DLG2: variants seen among roughly 807,000 people sequenced by gnomAD.
The protein encoded by DLG2 is disks large homolog 2.
Under a neutral mutation model 132.5 loss-of-function variants are expected in DLG2, and 45 were observed. That is an observed-to-expected ratio of 0.34 (90% CI 0.27 to 0.44). The LOEUF is 0.44. Ranked by LOEUF, DLG2 falls within the 20% of genes least tolerant of loss-of-function variation. DLG2 has a pLI of 1.00. For missense variants in DLG2, 1,045 were observed against 1,196.9 expected (o/e 0.87, Z 1.87); for synonymous variants, 424 against 419.6 (o/e 1.01, Z -0.13).
At chr11:83,738,738 A>C (rs1185210817) in intron 18 of DLG2, among the ~76,000 whole-genome samples, 1 of 152,160 alleles carries the variant, frequency 6.6e-6, no homozygotes, top group African/African-American at 2.4e-5. Flanking sequence ...AAGTGTTGTC[A>C]AGCCGACTTC....
chr11:84,289,108 C>T lies in DLG2; in HGVS notation c.520-37817G>A, dbSNP rs923919881. On this transcript the variant is annotated intron_variant, in intron 7 of 27. Coordinates refer to ENST00000376104, the MANE Select transcript of DLG2 (RefSeq NM_001142699.3). ...TAATTGAACAGAAACTGTCAACTTC[C>T]TTTCATAATGAAAGGAAAACTGCCA... Among the ~76,000 whole-genome samples, 6 of 152,098 alleles carry T rather than the reference C, an allele frequency of 3.9e-5. No individual in the cohort carries two copies. The South Asian group carries it at 1.2e-3, about 32-fold the overall frequency.
In DLG2 at chr11:83,985,198, A is replaced by C. The variant is rs2093163437; in HGVS notation, c.920-4556T>G. Among the ~76,000 whole-genome samples the C allele has an allele frequency of 2.0e-5, 3 of 152,114 alleles. No homozygotes were observed. In the South Asian group the frequency reaches 6.2e-4, roughly 32 times the overall value. On this transcript the variant is annotated intron_variant, in intron 11 of 27. Coordinates refer to ENST00000376104, the MANE Select transcript of DLG2 (RefSeq NM_001142699.3). Reference sequence around the variant, plus strand: ...GCAGGCTCTCTACCTTATAAGACCTAGACTGGCTAAGGCATGCCATGACTA... The same window carrying C: ...GCAGGCTCTCTACCTTATAAGACCTCGACTGGCTAAGGCATGCCATGACTA...
intron 5 of DLG2, among the ~76,000 whole-genome samples, chr11:85,121,360 T>C (rs1204958989): frequency 6.6e-6 from 1 of 151,014 alleles, no homozygotes; most frequent in Admixed American, 6.6e-5. Flanking sequence ...TACATTAATA[T>C]TGTTATTCTT....
At chr11:83,512,395 G>A (rs1052058103) in intron 21 of DLG2, among the ~76,000 whole-genome samples, 1 of 152,126 alleles carries the variant, frequency 6.6e-6, no homozygotes, top group African/African-American at 2.4e-5. Context: ...ATCTACTCCT[G>A]TTCAAGAAAT....
Position 83,792,924 on chromosome 11 carries a change from A to G in DLG2, c.1723-6132T>C, listed in dbSNP as rs1441517506. ...GCCAACAAATAATATACGATTTTCAACTTCCTCACACTCTTGTAATAGTTA... is the reference window on the plus strand; with the variant it reads ...GCCAACAAATAATATACGATTTTCAGCTTCCTCACACTCTTGTAATAGTTA... On this transcript the variant is annotated intron_variant, in intron 17 of 27. Coordinates refer to ENST00000376104, the MANE Select transcript of DLG2 (RefSeq NM_001142699.3). Among the ~76,000 whole-genome samples, 4 of 152,154 alleles carry G rather than the reference A, an allele frequency of 2.6e-5. No individual in the cohort carries two copies. In the East Asian group the frequency reaches 7.7e-4, roughly 29 times the overall value.
intron 4 of DLG2, among the ~76,000 whole-genome samples, chr11:85,175,630 A>T (rs1002118297): frequency 6.6e-6 from 1 of 152,200 alleles, no homozygotes; most frequent in Non-Finnish European, 1.5e-5. Flanking sequence ...AGGCAACAGA[A>T]GGAAATAAAG....
chr11:84,542,958 T>A (rs948016910), intron 6 of DLG2, among the ~76,000 whole-genome samples: 1 of 151,210 alleles, frequency 6.6e-6, no homozygotes, highest in Admixed American at 6.6e-5. Context: ...TTTCTCCAGC[T>A]TCTTCCTTTT....
At chr11:83,850,291 T>C (rs980751889) in intron 16 of DLG2, among the ~76,000 whole-genome samples, 9 of 152,004 alleles carry the variant, frequency 5.9e-5, no homozygotes, top group Admixed American at 1.3e-4. Flanking sequence ...GTAGCTGGGA[T>C]TACAGGCATG....
At chr11:83,974,227 A>G (rs80349643) in intron 12 of DLG2, among the ~76,000 whole-genome samples, 6,467 of 152,090 alleles carry the variant, frequency 0.043, 198 homozygotes, top group Non-Finnish European at 0.067. Context: ...CAATGTCTTC[A>G]ATTTGATTTT....
chr11:84,181,968 C>A (rs35618512), intron 8 of DLG2, among the ~76,000 whole-genome samples: 9,697 of 149,730 alleles, frequency 0.065, 381 homozygotes, highest in African/African-American at 0.097. Flanking sequence ...ATGGATGGGC[C>A]TAGCAGGCAC....
chr11:85,087,755 G>A (rs948013604), intron 6 of DLG2, among the ~76,000 whole-genome samples: 7 of 148,414 alleles, frequency 4.7e-5, no homozygotes, highest in Non-Finnish European at 7.4e-5. Context: ...GGAGAATGGC[G>A]TGAACCCGGG....
chr11:83,660,258 A>G, intron 18 of DLG2, among the ~76,000 whole-genome samples: 1 of 152,238 alleles, frequency 6.6e-6, no homozygotes, highest in East Asian at 1.9e-4. Flanking sequence ...ATGTAATAAC[A>G]TGTAATCTGA....
At chr11:84,752,559 TTTTTC>T (rs1471059167) in intron 6 of DLG2, among the ~76,000 whole-genome samples, 3 of 138,920 alleles carry the variant, frequency 2.2e-5, no homozygotes, top group African/African-American at 5.4e-5. Flanking sequence ...TTTGGTTTTC[TTTTTC>T]TTTTTTTTTT....
At position 84,816,012 on chromosome 11, in the gene DLG2, T is replaced by G. The variant is rs545818483; in HGVS notation, c.358-281281A>C. On this transcript the variant is annotated intron_variant, in intron 6 of 27. Coordinates refer to ENST00000376104, the MANE Select transcript of DLG2 (RefSeq NM_001142699.3). ...ACAACTTTCATTTGTCCTGCCAGGA[T>G]GCCTGTGTTTGGGGGTAAGGACAAA... Among the ~76,000 whole-genome samples, 8 of 152,176 alleles carry G rather than the reference T, an allele frequency of 5.3e-5. No homozygotes were observed. In the East Asian group the frequency reaches 1.6e-3, roughly 30 times the overall value.
chr11:85,190,535 A>C (rs931528139), intron 4 of DLG2, among the ~76,000 whole-genome samples: 9 of 152,194 alleles, frequency 5.9e-5, no homozygotes, highest in African/African-American at 2.2e-4. Flanking sequence ...AATGAAATTG[A>C]GATGTAAAAT....
intron 6 of DLG2, among the ~76,000 whole-genome samples, chr11:84,958,265 A>C (rs2051996298): frequency 6.6e-6 from 1 of 152,074 alleles, no homozygotes; most frequent in Admixed American, 6.6e-5. Flanking sequence ...CCCAAGCCCA[A>C]GTTTTTTAGC....
intron 6 of DLG2, among the ~76,000 whole-genome samples, chr11:84,535,366 C>G (rs1411081034): frequency 6.6e-6 from 1 of 152,196 alleles, no homozygotes; most frequent in Non-Finnish European, 1.5e-5. Context: ...AGAGCTAGCT[C>G]TTTTAAAGAA....
intron 3 of DLG2, among the ~76,000 whole-genome samples, chr11:85,367,067 T>C (rs1003582425): frequency 2.6e-5 from 4 of 152,190 alleles, no homozygotes; most frequent in Non-Finnish European, 2.9e-5. Context: ...TTAATGGCAA[T>C]GTATTTAGCG....
intron 7 of DLG2, among the ~76,000 whole-genome samples, chr11:84,303,492 AC>A (rs1277624197): frequency 2.0e-5 from 3 of 152,228 alleles, no homozygotes; most frequent in Non-Finnish European, 4.4e-5. Flanking sequence ...AACAGAGTAT[AC>A]AGAAACTAAT....
Sources: gnomAD v4.1 joint callset for allele counts (sites outside exome capture counted in the v4.1 genomes callset) on GRCh38, gnomAD v4.1.1 for gene constraint, MANE v1.5 for transcripts, NCBI Gene and HGNC (gene_info 2026-07-23, HGNC 2026-07-21) for gene names.